Variants in TMEM108 observed in about 807,000 individuals in gnomAD.
The protein encoded by TMEM108 is transmembrane protein 108, also known as cancer/testis antigen 124.
Under a neutral mutation model 35.1 loss-of-function variants are expected in TMEM108, and 12 were observed. The observed-to-expected ratio is 0.34, with a 90% CI of 0.22 to 0.55. TMEM108 has a LOEUF of 0.55. Ranked by LOEUF, TMEM108 falls within the 20% of genes least tolerant of loss-of-function variation. The probability of loss-of-function intolerance (pLI) is 0.89; values close to 1 mark genes in which losing one functional copy is unlikely to be tolerated. For synonymous variants in TMEM108, 287 were observed against 308.6 expected (o/e 0.93, Z 0.73); for missense variants, 680 against 753.3 (o/e 0.90, Z 1.14).
At chr3:133,175,816 T>C (rs1315267596) in intron 2 of TMEM108, among the ~76,000 whole-genome samples, 2 of 152,180 alleles carry the variant, frequency 1.3e-5, no homozygotes, top group Non-Finnish European at 1.5e-5. Flanking sequence ...AATTCACACA[T>C]AACAAAATTA....
chr3:133,310,703 G>A (rs2071117347), intron 3 of TMEM108, among the ~76,000 whole-genome samples: 1 of 151,462 alleles, frequency 6.6e-6, no homozygotes, highest in Admixed American at 6.6e-5. Flanking sequence ...CTTTTAATTG[G>A]GGCATTTAGT....
chr3:133,050,893 T>C (rs1342371744), intron 2 of TMEM108, among the ~76,000 whole-genome samples: 2 of 152,112 alleles, frequency 1.3e-5, no homozygotes, highest in Non-Finnish European at 2.9e-5. Context: ...TACCACAGTT[T>C]GTCCATTCAC....
intron 2 of TMEM108, among the ~76,000 whole-genome samples, chr3:133,077,937 G>A (rs879817646): frequency 2.9e-4 from 44 of 152,152 alleles, no homozygotes; most frequent in Admixed American, 7.9e-4. Flanking sequence ...CAGCCCGGGG[G>A]CATTCAGAGT....
chr3:133,249,522 C>T (rs1413404028), intron 3 of TMEM108, among the ~76,000 whole-genome samples: 1 of 152,150 alleles, frequency 6.6e-6, no homozygotes, highest in Non-Finnish European at 1.5e-5. Context: ...CATGAGTACC[C>T]AATGCTTAGC....
intron 3 of TMEM108, among the ~76,000 whole-genome samples, chr3:133,324,956 A>G (rs920235772): frequency 2.0e-5 from 3 of 152,304 alleles, no homozygotes; most frequent in Admixed American, 1.3e-4. Context: ...AGCTTGGGCA[A>G]CAGAGCAAGA....
chr3:133,378,028 T>C (rs2072893348), intron 3 of TMEM108, among the ~76,000 whole-genome samples: 1 of 152,170 alleles, frequency 6.6e-6, no homozygotes, highest in Non-Finnish European at 1.5e-5. Flanking sequence ...ATGGAAAAAC[T>C]GTCTTCCACA....
chr3:133,374,542 TTATATA>T (rs10580755), intron 3 of TMEM108, among the ~76,000 whole-genome samples: 46 of 145,812 alleles, frequency 3.2e-4, no homozygotes, highest in African/African-American at 5.1e-4. Flanking sequence ...ATAATTTTTG[TTATATA>T]TATATATATA....
At chr3:133,061,399 G>C (rs1943533461) in intron 2 of TMEM108, among the ~76,000 whole-genome samples, 1 of 152,044 alleles carries the variant, frequency 6.6e-6, no homozygotes, top group African/African-American at 2.4e-5. Context: ...ATTTTTAGTA[G>C]AGATGGGGTT....
chr3:133,237,051 G>A (rs1413057168), intron 3 of TMEM108, among the ~76,000 whole-genome samples: 2 of 152,238 alleles, frequency 1.3e-5, no homozygotes, highest in South Asian at 2.1e-4. Flanking sequence ...ACAGCATTGA[G>A]TACAGTAGTT....
chr3:133,176,262 A>G (rs574439352), intron 2 of TMEM108, among the ~76,000 whole-genome samples: 3 of 152,296 alleles, frequency 2.0e-5, no homozygotes, highest in African/African-American at 7.2e-5. Context: ...AGACAGATCA[A>G]CAAGACAGAA....
At chr3:133,292,690 C>G (rs1301539471) in intron 3 of TMEM108, among the ~76,000 whole-genome samples, 1 of 152,154 alleles carries the variant, frequency 6.6e-6, no homozygotes, top group African/African-American at 2.4e-5. Flanking sequence ...GCATCTGTTT[C>G]AAACTCTAAA....
In TMEM108 at chr3:133,381,013, C is replaced by T. The variant is rs779726153; in HGVS notation, c.1302C>T (p.Val434=). 1 of 1,614,220 alleles carries T rather than the reference C, an allele frequency of 6.2e-7. No individual in the cohort carries two copies. The highest frequency in any genetic ancestry group is 1.1e-5 in the South Asian group (1 of 91,080). ...TATGNFLNRL[V]PAGTWKPGTA... is the part of the protein sequence containing the mutation. ...CAGGCAATTTCCTCAACCGCCTGGT[C>T]CCCGCCGGGACCTGGAAGCCTGGGA... is the stretch of plus-strand genomic sequence containing the variant. The change falls in exon 4 of 6, where the codon GTC becomes GTT. Residue 434 remains valine (V), a synonymous_variant. Coordinates refer to ENST00000321871, the MANE Select transcript of TMEM108 (RefSeq NM_023943.4).
chr3:133,247,309 A>G (rs961281501), intron 3 of TMEM108: 1 of 152,052 alleles, frequency 6.6e-6, no homozygotes, highest in Admixed American at 6.5e-5. Flanking sequence ...CTTGTTGTTC[A>G]CTTGTGCTTC....
intron 3 of TMEM108, among the ~76,000 whole-genome samples, chr3:133,369,185 TAGGAAC>T (rs2072586060): frequency 6.6e-6 from 1 of 152,000 alleles, no homozygotes. Flanking sequence ...AGAGTCACAA[TAGGAAC>T]AGGAACAGAG....
chr3:133,180,110 T>C (rs1945309892), intron 2 of TMEM108, among the ~76,000 whole-genome samples: 1 of 152,186 alleles, frequency 6.6e-6, no homozygotes, highest in Non-Finnish European at 1.5e-5. Flanking sequence ...AGTTACTAAA[T>C]ATCAATTTTT....
intron 2 of TMEM108, among the ~76,000 whole-genome samples, chr3:133,199,407 T>C (rs1945627285): frequency 6.6e-6 from 1 of 152,150 alleles, no homozygotes; most frequent in South Asian, 2.1e-4. Flanking sequence ...TTTCTCCCCA[T>C]CTTTGTGGTT....
chr3:133,198,533 G>A (rs1026777530), intron 2 of TMEM108, among the ~76,000 whole-genome samples: 1 of 152,224 alleles, frequency 6.6e-6, no homozygotes, highest in Non-Finnish European at 1.5e-5. Context: ...AGCAGGAACT[G>A]CACCTGGTCG....
At chr3:133,196,277 G>A (rs763190620) in intron 2 of TMEM108, among the ~76,000 whole-genome samples, 14 of 152,114 alleles carry the variant, frequency 9.2e-5, no homozygotes, top group Non-Finnish European at 1.6e-4. Context: ...TTTTGAGTAG[G>A]AAAAATACCA....
At chr3:133,287,330 CTATTAACCCAG>C (rs1342169710) in intron 3 of TMEM108, among the ~76,000 whole-genome samples, 1 of 152,174 alleles carries the variant, frequency 6.6e-6, no homozygotes, top group Non-Finnish European at 1.5e-5. Context: ...GTTAATGATT[CTATTAACCCAG>C]TAAAAACTGG....
Sources: allele counts gnomAD v4.1 joint callset (sites outside exome capture counted in the v4.1 genomes callset), GRCh38; gene constraint gnomAD v4.1.1; transcripts MANE v1.5; gene names NCBI Gene and HGNC (gene_info 2026-07-23, HGNC 2026-07-21).